TAC4: variants seen among roughly 807,000 people sequenced by gnomAD.
TAC4 encodes tachykinin-4.
TAC4 carries 17 observed loss-of-function variants against 17.7 expected under a neutral mutation model. The observed-to-expected ratio is 0.96, with a 90% CI of 0.66 to 1.44. TAC4 has a LOEUF of 1.44. TAC4 is among the 40% of genes most tolerant of loss of function. The probability of loss-of-function intolerance (pLI) is 0.00; values close to 1 mark genes in which losing one functional copy is unlikely to be tolerated. For missense variants in TAC4, 118 were observed against 125.6 expected (o/e 0.94, Z 0.29); for synonymous variants, 62 against 52.4 (o/e 1.18, Z -0.79).
At position 49,844,127 on chromosome 17, in the gene TAC4, G is replaced by A; in HGVS notation, c.136C>T (p.Leu46=). The A allele has an allele frequency of 6.2e-7, 1 of 1,613,958 alleles. No homozygotes were observed. Among genetic ancestry groups the A allele is most frequent in the East Asian group, 2.2e-5 (1 of 44,878 alleles). ...GCCTTGCCCGTCTTCACCTCCTGCA[G>A]CTGGAGCTGAATGCTGGGGCCAGCG... ...EGAGPSIQLQ[L]QEVKTGKASQ... Residue 46 remains leucine, a synonymous_variant, in exon 2 of 5, where the codon CTG becomes TTG. Transcript: ENST00000436235.
intron 1 of TAC4, among the ~76,000 whole-genome samples, chr17:49,846,740 G>A (rs2074543653): frequency 6.6e-6 from 1 of 152,200 alleles, no homozygotes; most frequent in Non-Finnish European, 1.5e-5. Flanking sequence ...GCAGGATGAG[G>A]TGCTTTTGGG....
In TAC4 at chr17:49,838,876, T is replaced by C. The variant is rs545687855; in HGVS notation, c.293-203A>G. 2.6e-5 allele frequency among the ~76,000 whole-genome samples: 4 copies of C among 152,292 alleles called. No homozygotes were observed. In the South Asian group the frequency reaches 6.2e-4, roughly 24 times the overall value. ...ATTGCTAATGTCTCCAGAGCATGGA[T>C]GGAGCCCACCCTCAGTTACCCTCTT... is the stretch of plus-strand genomic sequence containing the variant. On this transcript the variant is annotated intron_variant, in intron 4 of 4. Coordinates refer to ENST00000436235, the MANE Select transcript of TAC4 (RefSeq NM_001077506.2).
intron 4 of TAC4, 51 bp downstream of exon 4, chr17:49,839,799 T>C: frequency 5.8e-6 from 9 of 1,556,304 alleles, no homozygotes; most frequent in Non-Finnish European, 7.9e-6. Flanking sequence ...CAGCAAAGTG[T>C]CTGGCCATTT....
intron 1 of TAC4, 173 bp downstream of exon 1, chr17:49,847,740 C>T: frequency 9.7e-7 from 1 of 1,026,952 alleles, no homozygotes; most frequent in African/African-American, 1.6e-5. Flanking sequence ...GGAGGTCTGC[C>T]AGGCCAGGGC....
chr17:49,840,502 T>A (rs930117991), intron 3 of TAC4, among the ~76,000 whole-genome samples: 3 of 152,062 alleles, frequency 2.0e-5, no homozygotes, highest in African/African-American at 7.2e-5. Context: ...TGGTTACTTT[T>A]CTTTCTTTCT....
At chr17:49,847,702 C>G (rs1436369556) in intron 1 of TAC4, 8 of 609,238 alleles carry the variant, frequency 1.3e-5, no homozygotes, top group East Asian at 9.4e-5. Context: ...GACACACACA[C>G]ACACACACAC....
At chr17:49,841,703 C>G (rs937218851) in intron 2 of TAC4, 119 bp from the exon 3 acceptor site, 3 of 1,007,822 alleles carry the variant, frequency 3.0e-6, no homozygotes, top group Non-Finnish European at 4.1e-6. Context: ...CAGTAGAATT[C>G]TAGTCATCCC....
At chr17:49,847,886 C>A (rs1280598845) in intron 1 of TAC4, 27 bp downstream of exon 1, 4 of 1,613,912 alleles carry the variant, frequency 2.5e-6, no homozygotes, top group East Asian at 2.2e-5. Context: ...AGCCTCTCCC[C>A]AAAAGTACCT....
chr17:49,847,886 C>G, intron 1 of TAC4, 27 bp downstream of exon 1: 1 of 1,613,914 alleles, frequency 6.2e-7, no homozygotes, highest in South Asian at 1.1e-5. Context: ...AGCCTCTCCC[C>G]AAAAGTACCT....
rs933225063 is a variant in TAC4 at position 49,847,674 on chromosome 17, CACACACACACACACACAG to C, written c.105+221_105+238del. 7.4e-5 allele frequency: 30 copies of C among 406,334 alleles called. No individual in the cohort carries two copies. In the East Asian group the frequency reaches 8.4e-4, roughly 11 times the overall value. 25.2% of individuals were successfully genotyped at this position (406,334 alleles called of 1,614,324 possible). A position where few individuals can be genotyped will look rare whatever the true frequency, so the allele number is the denominator to read the frequency against. ...GTGTGTTAAATAAGTATTTCTTACA[CACACACACACACACACAG>C]ACACACACACACACACACACACACA... On this transcript the variant is annotated intron_variant, in intron 1 of 4. Transcript: ENST00000436235.
intron 1 of TAC4, chr17:49,846,242 G>GT: frequency 2.3e-6 from 3 of 1,288,706 alleles, no homozygotes; most frequent in Non-Finnish European, 3.0e-6. Context: ...AGCAAGGGAG[G>GT]TAAGTGATGC....
chr17:49,841,718 T>G, intron 2 of TAC4, 134 bp from the exon 3 acceptor site: 1 of 870,518 alleles, frequency 1.1e-6, no homozygotes, highest in Non-Finnish European at 1.6e-6. Flanking sequence ...CATCCCCAGT[T>G]ATCCTCTGTG....
rs999742967 is a variant in TAC4 at position 49,844,257 on chromosome 17, G to T, written c.106-100C>A. 9 of 1,077,340 alleles carry T rather than the reference G, an allele frequency of 8.4e-6. No homozygotes were observed. In the African/African-American group the frequency reaches 1.1e-4, roughly 13 times the overall value. 66.7% of individuals were successfully genotyped at this position (1,077,340 alleles called of 1,614,324 possible). On this transcript the variant is annotated intron_variant, in intron 1 of 4. Transcript: ENST00000436235. ...TCTCAGGAGTGACAGCTGGTGGTCA[G>T]CAGAGACTTGCTGTGCACTGGCACT...
chr17:49,847,692 G>GAT (rs2074554661), intron 1 of TAC4: 1 of 390,114 alleles, frequency 2.6e-6, no homozygotes, highest in Non-Finnish European at 4.8e-6. Flanking sequence ...CACACACACA[G>GAT]ACACACACAC....
intron 1 of TAC4, chr17:49,847,633 G>A (rs2074552622): frequency 4.6e-6 from 2 of 431,396 alleles, no homozygotes; most frequent in South Asian, 4.3e-5. Flanking sequence ...ATTTCAGACA[G>A]TGCCAGAGAT....
At position 49,847,057 on chromosome 17, in the gene TAC4, T is replaced by A. The variant is rs762695205; in HGVS notation, c.105+856A>T. ...GGAAAGGAAACCCACCATGCAGGAC[T>A]GTCCATGTGATGGCTCTTCCCGTGG... On this transcript the variant is annotated intron_variant, in intron 1 of 4. Coordinates refer to ENST00000436235, the MANE Select transcript of TAC4 (RefSeq NM_001077506.2). 6 of 1,290,182 alleles carry A rather than the reference T, an allele frequency of 4.7e-6. No individual in the cohort carries two copies. In the South Asian group the frequency reaches 7.4e-5, roughly 16 times the overall value. The allele number at this position is 1,290,182 out of a possible 1,614,324, so 79.9% of individuals were successfully genotyped here.
chr17:49,838,817 T>C lies in TAC4; in HGVS notation c.293-144A>G, dbSNP rs1013310258. Reference sequence around the variant, plus strand: ...TCTGGAGATATCTAGGGCAATGGGATTACAGGCTCATCTGTCATATCTTCC... The same window carrying C: ...TCTGGAGATATCTAGGGCAATGGGACTACAGGCTCATCTGTCATATCTTCC... On this transcript the variant is annotated intron_variant, in intron 4 of 4. Transcript: ENST00000436235. 27 of 760,956 alleles carry C rather than the reference T, an allele frequency of 3.5e-5. 1 individual carries two copies. The Middle Eastern group carries it at 7.2e-4, about 20-fold the overall frequency. The allele number at this position is 760,956 out of a possible 1,614,324, so 47.1% of individuals were successfully genotyped here.
rs760654569 is a variant in TAC4, at chr17:49,847,955, A to G, written c.63T>C (p.Asp21=). 5.0e-6 allele frequency: 8 copies of G among 1,614,002 alleles called. No individual in the cohort carries two copies. The highest frequency in any genetic ancestry group is 1.7e-5 in the Admixed American group (1 of 60,000). ...MELSVCTVAG[D]GGEEQTLSTE... ...TGCTGAGTGTCTGTTCCTCTCCACC[A>G]TCACCTGCCACAGTGCACACGGACA... Residue 21 remains aspartate (D), a synonymous_variant, in exon 1 of 5, where the codon GAT becomes GAC. Transcript: ENST00000436235.
chr17:49,839,511 T>TA (rs1598100920), intron 4 of TAC4, among the ~76,000 whole-genome samples: 1 of 152,316 alleles, frequency 6.6e-6, no homozygotes, highest in African/African-American at 2.4e-5. Context: ...GATCAACGAT[T>TA]AGAGCTTTGC....
Sources: gnomAD v4.1 joint callset for allele counts (sites outside exome capture counted in the v4.1 genomes callset) on GRCh38, gnomAD v4.1.1 for gene constraint, MANE v1.5 for transcripts, NCBI Gene and HGNC (gene_info 2026-07-23, HGNC 2026-07-21) for gene names.